Variants in USP37 observed in about 807,000 individuals in gnomAD.
The protein encoded by USP37 is ubiquitin carboxyl-terminal hydrolase 37.
USP37 carries 27 observed loss-of-function variants against 124.0 expected under a neutral mutation model. The ratio of observed to expected loss-of-function variants is 0.22; its 90% CI spans 0.16 to 0.30. The LOEUF (loss-of-function observed/expected upper bound fraction) is 0.30. USP37 is among the 10% of genes least tolerant of loss of function. The pLI is 1.00. For missense variants in USP37, 889 were observed against 1,140.4 expected (o/e 0.78, Z 3.17); for synonymous variants, 365 against 388.0 (o/e 0.94, Z 0.70).
intron 23 of USP37, 124 bp from the exon 24 acceptor site, chr2:218,457,285 T>A: frequency 1.1e-6 from 1 of 918,310 alleles, no homozygotes; most frequent in Non-Finnish European, 1.6e-6. Flanking sequence ...AAGAATCAAT[T>A]AAAAAATCTG....
intron 21 of USP37, among the ~76,000 whole-genome samples, chr2:218,463,788 G>C (rs1350457300): frequency 2.6e-5 from 4 of 150,996 alleles, no homozygotes; most frequent in African/African-American, 4.9e-5. Flanking sequence ...GCCCACCTCG[G>C]CTTCCCAAAG....
rs995638614 is a variant in USP37, at chr2:218,499,626, A to G, written c.1026-1469T>C. Among the ~76,000 whole-genome samples the G allele has an allele frequency of 3.3e-5, 5 of 152,292 alleles. No homozygotes were observed. In the East Asian group the frequency reaches 9.6e-4, roughly 29 times the overall value. ...CAACAGATCCAAGAAGGTTCTTTATAGCTTTTCTTCCCTCACTTAGGTACA... is the reference window on the plus strand; with the variant it reads ...CAACAGATCCAAGAAGGTTCTTTATGGCTTTTCTTCCCTCACTTAGGTACA... On this transcript the variant is annotated intron_variant, in intron 11 of 25. Transcript: ENST00000258399.
At chr2:218,456,461 GAA>G (rs570569201) in intron 24 of USP37, among the ~76,000 whole-genome samples, 5 of 115,890 alleles carry the variant, frequency 4.3e-5, no homozygotes, top group African/African-American at 6.4e-5. Context: ...CCTGTCTCTT[GAA>G]AAAAAAAAAA....
rs1464168933 is a variant in USP37, at chr2:218,488,365, G to A, written c.1529C>T (p.Pro510Leu). ...AGGAGGGAGTGGTTTTTTCCTACGA[G>A]GAAGGTCAATAGAGAGGTCATTAAA... is the stretch of plus-strand genomic sequence containing the variant. ...EQFNDLSIDL[P>L]RRKKPLPPRS... is the part of the protein sequence containing the mutation. Residue 510 changes from proline (P) to leucine (L), a missense_variant, in exon 15 of 26, where the codon CCT (proline) becomes CTT (leucine). Physicochemically the swap from Pro to Leu is moderately conservative, Grantham distance 98. Transcript: ENST00000258399. 1.3e-5 allele frequency: 21 copies of A among 1,612,662 alleles called. No homozygotes were observed. Among genetic ancestry groups the A allele is most frequent in the Non-Finnish European group, 1.8e-5 (21 of 1,179,546 alleles).
chr2:218,523,832 A>C (rs545778350), intron 10 of USP37, among the ~76,000 whole-genome samples: 1 of 152,254 alleles, frequency 6.6e-6, no homozygotes, highest in East Asian at 1.9e-4. Flanking sequence ...TCCAATCCCC[A>C]AACCTCTTTA....
rs1349462559 is a variant in USP37 at position 218,482,181 on chromosome 2, T to C, written c.1724A>G (p.Asn575Ser). 6.2e-7 allele frequency: 1 copy of C among 1,614,052 alleles called. No homozygotes were observed. Among genetic ancestry groups the C allele is most frequent in the Admixed American group, 1.7e-5 (1 of 60,010 alleles). ...RYSFNVALSL[N>S]NKIGQQVIIP... ...GATGACTTGCTGCCCAATCTTATTG[T>C]TAAGCGAGAGAGCCACATTGAAGCT... The change falls in exon 17 of 26, where the codon AAC becomes AGC. Residue 575 changes from asparagine to serine, a missense_variant. Physicochemically the swap from Asn to Ser is conservative, Grantham distance 46. Coordinates refer to ENST00000258399, the MANE Select transcript of USP37 (RefSeq NM_020935.3).
At chr2:218,498,282 A>C (rs1199623169) in intron 11 of USP37, 125 bp from the exon 12 acceptor site, 2 of 991,300 alleles carry the variant, frequency 2.0e-6, no homozygotes, top group East Asian at 5.7e-5. Flanking sequence ...ACATATTACT[A>C]CACCCTAACC....
intron 11 of USP37, among the ~76,000 whole-genome samples, chr2:218,499,158 C>T (rs1012369081): frequency 2.6e-5 from 4 of 152,076 alleles, no homozygotes; most frequent in African/African-American, 9.7e-5. Flanking sequence ...CCTGTAGTCC[C>T]AGCTACTTGG....
At position 218,474,768 on chromosome 2, in the gene USP37, A is replaced by T. The variant is rs1342636685; in HGVS notation, c.2161T>A (p.Ser721Thr). ...TCATCTTCATGACTCAGAGATGGTG[A>T]AGCATCTCTCTTACTTATCTCCAAG... ...AVLEISKRDA[S>T]PSLSHEDDDK... is the part of the protein sequence containing the mutation. The change falls in exon 20 of 26, where the codon TCA becomes ACA. Residue 721 changes from serine (S) to threonine (T), a missense_variant. Physicochemically the swap from Ser to Thr is moderately conservative, Grantham distance 58 (BLOSUM62 1). Coordinates refer to ENST00000258399, the MANE Select transcript of USP37 (RefSeq NM_020935.3). 6.2e-7 allele frequency: 1 copy of T among 1,614,024 alleles called. No individual in the cohort carries two copies. Among genetic ancestry groups the T allele is most frequent in the African/African-American group, 1.3e-5 (1 of 74,916 alleles).
At chr2:218,523,944 G>A (rs1260642020) in intron 10 of USP37, among the ~76,000 whole-genome samples, 1 of 152,112 alleles carries the variant, frequency 6.6e-6, no homozygotes, top group Non-Finnish European at 1.5e-5. Flanking sequence ...TAATTGTAAT[G>A]TGATTTAAGT....
chr2:218,476,747 C>T, intron 19 of USP37, 93 bp downstream of exon 19: 3 of 1,355,894 alleles, frequency 2.2e-6, no homozygotes, highest in Middle Eastern at 2.1e-4. Flanking sequence ...TTCTTTAAAA[C>T]TAATTAGTTT....
intron 14 of USP37, among the ~76,000 whole-genome samples, chr2:218,490,188 A>G (rs981081769): frequency 2.0e-5 from 3 of 152,156 alleles, no homozygotes; most frequent in Admixed American, 1.3e-4. Flanking sequence ...CGTCTCTACT[A>G]AAAATACAAA....
intron 9 of USP37, among the ~76,000 whole-genome samples, chr2:218,533,992 CTTTAA>C (rs989210875): frequency 2.0e-5 from 3 of 152,218 alleles, no homozygotes; most frequent in African/African-American, 7.2e-5. Context: ...CACTGATGCA[CTTTAA>C]TTTCAACCAC....
At chr2:218,493,691 G>A (rs1480697662) in intron 14 of USP37, among the ~76,000 whole-genome samples, 1 of 152,024 alleles carries the variant, frequency 6.6e-6, no homozygotes, top group East Asian at 1.9e-4. Flanking sequence ...GGCTGGTCTC[G>A]AACTCCTGAC....
chr2:218,488,265 A>C, intron 15 of USP37, 39 bp downstream of exon 15: 1 of 1,340,646 alleles, frequency 7.5e-7, no homozygotes. Context: ...TCAATGATAT[A>C]AAATTTAGTT....
chr2:218,554,338 G>C (rs189045589), intron 4 of USP37, among the ~76,000 whole-genome samples: 4 of 152,266 alleles, frequency 2.6e-5, no homozygotes, highest in Admixed American at 2.6e-4. Context: ...TAGAACTCTT[G>C]ATCTCATGGT....
intron 10 of USP37, among the ~76,000 whole-genome samples, chr2:218,524,311 A>G (rs546097581): frequency 6.6e-6 from 1 of 152,092 alleles, no homozygotes; most frequent in Non-Finnish European, 1.5e-5. Context: ...TCTTGCCAAG[A>G]CTAGTCTTGA....
At chr2:218,464,306 T>G (rs1690192192) in intron 21 of USP37, among the ~76,000 whole-genome samples, 1 of 152,074 alleles carries the variant, frequency 6.6e-6, no homozygotes, top group South Asian at 2.1e-4. Context: ...AGCGTGATCT[T>G]GGCCCACTGC....
chr2:218,520,459 CGTGTCTCAGCATCCCGAGTAACTGGGATT>C (rs1690547483), intron 10 of USP37, among the ~76,000 whole-genome samples: 1 of 151,130 alleles, frequency 6.6e-6, no homozygotes, highest in South Asian at 2.1e-4. Context: ...AAGCGATTCT[CGTGTCTCAGCATCCCGAGTAACTGGGATT>C]GCAGGCATAC....
Sources: allele counts gnomAD v4.1 joint callset (sites outside exome capture counted in the v4.1 genomes callset), GRCh38; gene constraint gnomAD v4.1.1; transcripts MANE v1.5; gene names NCBI Gene and HGNC (gene_info 2026-07-23, HGNC 2026-07-21).